The following TMEM181 variants were observed in gnomAD, a reference collection of about 807,000 sequenced individuals.
TMEM181 encodes the protein transmembrane protein 181.
Under a neutral mutation model 71.9 loss-of-function variants are expected in TMEM181, and 39 were observed. The observed-to-expected ratio is 0.54, with a 90% CI of 0.42 to 0.71. The LOEUF is 0.71. TMEM181 is among the 30% of genes least tolerant of loss of function. TMEM181 has a pLI of 0.00. For missense variants in TMEM181, 595 were observed against 583.0 expected (o/e 1.02, Z -0.21); for synonymous variants, 245 against 228.8 (o/e 1.07, Z -0.64).
chr6:158,628,648 C>T (rs7741081), intron 14 of TMEM181, among the ~76,000 whole-genome samples, 158 bp downstream of exon 14: 4,175 of 152,328 alleles, frequency 0.027, 203 homozygotes, highest in African/African-American at 0.095. Flanking sequence ...CAGTTGGCCC[C>T]GCTGCAGCCG....
At chr6:158,569,174 A>T (rs1342866625) in intron 1 of TMEM181, among the ~76,000 whole-genome samples, 2 of 152,214 alleles carry the variant, frequency 1.3e-5, no homozygotes, top group Admixed American at 1.3e-4. Context: ...GAGAGCGGAA[A>T]GAGTCGCAGA....
rs577346468 is a variant in TMEM181 at position 158,543,431 on chromosome 6, C to T, written c.131+6566C>T. 2.6e-5 allele frequency among the ~76,000 whole-genome samples: 4 copies of T among 152,306 alleles called. No homozygotes were observed. In the South Asian group the frequency reaches 8.3e-4, roughly 32 times the overall value. ...TATGGAAGCTGGGGCTCTGGAGCCG[C>T]CTTCTAGGGCTGCGGTAAGAAAACA... On this transcript the variant is annotated intron_variant, in intron 1 of 16. Transcript: ENST00000367090.
intron 10 of TMEM181, among the ~76,000 whole-genome samples, chr6:158,614,015 C>T (rs886648651): frequency 2.0e-5 from 3 of 152,144 alleles, no homozygotes; most frequent in African/African-American, 4.8e-5. Flanking sequence ...TGATTAATAG[C>T]ACATATTTAG....
At chr6:158,567,245 C>T (rs1036160571) in intron 1 of TMEM181, among the ~76,000 whole-genome samples, 2 of 152,168 alleles carry the variant, frequency 1.3e-5, no homozygotes, top group Non-Finnish European at 2.9e-5. Context: ...AGGAAGTCTT[C>T]CTGGCCTGGG....
chr6:158,540,598 T>C (rs1781304659), intron 1 of TMEM181, among the ~76,000 whole-genome samples: 1 of 152,152 alleles, frequency 6.6e-6, no homozygotes, highest in South Asian at 2.1e-4. Flanking sequence ...CTGAGCAACG[T>C]AGTGAAAGCC....
chr6:158,544,182 A>AGAGTGTGTGTGTGTGTGTGTGTGT (rs149735409), intron 1 of TMEM181, among the ~76,000 whole-genome samples: 2 of 127,562 alleles, frequency 1.6e-5, no homozygotes, highest in Admixed American at 7.9e-5. Context: ...AATTGGAGAG[A>AGAGTGTGTGTGTGTGTGTGTGTGT]GTGTGTGTGT....
At chr6:158,583,466 TTTC>T (rs1783589394) in intron 3 of TMEM181, among the ~76,000 whole-genome samples, 1 of 152,038 alleles carries the variant, frequency 6.6e-6, no homozygotes, top group South Asian at 2.1e-4. Flanking sequence ...AAGTTAGTCG[TTTC>T]TTCTTCTGAA....
intron 6 of TMEM181, among the ~76,000 whole-genome samples, chr6:158,600,941 G>A (rs141867795): frequency 5.3e-5 from 8 of 152,146 alleles, no homozygotes; most frequent in African/African-American, 1.7e-4. Flanking sequence ...TAATTCAGAC[G>A]TATTTTGTGT....
intron 5 of TMEM181, among the ~76,000 whole-genome samples, chr6:158,585,833 ATT>A (rs1783737769): frequency 1.3e-5 from 2 of 151,884 alleles, no homozygotes; most frequent in South Asian, 2.1e-4. Flanking sequence ...TTTTTGTTTT[ATT>A]TTGTTTAGAG....
At chr6:158,561,366 A>G (rs562199671) in intron 1 of TMEM181, among the ~76,000 whole-genome samples, 1 of 152,360 alleles carries the variant, frequency 6.6e-6, no homozygotes, top group Non-Finnish European at 1.5e-5. Flanking sequence ...TTTAAAAGCC[A>G]AGTGGAGGTA....
chr6:158,539,824 C>G (rs1781272040), intron 1 of TMEM181, among the ~76,000 whole-genome samples: 1 of 152,212 alleles, frequency 6.6e-6, no homozygotes, highest in South Asian at 2.1e-4. Context: ...AGTTCCACTC[C>G]TTGCTAACTG....
chr6:158,583,504 G>A (rs577377741), intron 3 of TMEM181, among the ~76,000 whole-genome samples: 2 of 151,942 alleles, frequency 1.3e-5, no homozygotes, highest in East Asian at 3.9e-4. Context: ...TTATGTTCTT[G>A]AAAGGAAAAC....
chr6:158,631,417 C>T (rs1049095682), intron 16 of TMEM181, 28 bp downstream of exon 16: 1 of 1,611,284 alleles, frequency 6.2e-7, no homozygotes, highest in Non-Finnish European at 8.5e-7. Context: ...AGAAGGCCGG[C>T]ACACCTTGGG....
At chr6:158,571,877 G>T (rs1008503611) in intron 1 of TMEM181, among the ~76,000 whole-genome samples, 1 of 152,212 alleles carries the variant, frequency 6.6e-6, no homozygotes, top group Non-Finnish European at 1.5e-5. Flanking sequence ...AAGGTGTTGA[G>T]TTTGCTCCCT....
chr6:158,614,847 A>C (rs908231319), intron 10 of TMEM181, among the ~76,000 whole-genome samples: 15 of 152,190 alleles, frequency 9.9e-5, no homozygotes, highest in Non-Finnish European at 1.6e-4. Flanking sequence ...ATAGTATTCC[A>C]TGGTGTATAT....
intron 1 of TMEM181, among the ~76,000 whole-genome samples, chr6:158,538,235 T>A (rs779515573): frequency 1.9e-4 from 29 of 150,320 alleles, no homozygotes; most frequent in Non-Finnish European, 3.4e-4. Context: ...GCTCACTGCA[T>A]CCTCCACTTC....
rs1054318354 is a variant in TMEM181 at position 158,626,043 on chromosome 6, T to G, written c.1109+289T>G. 6.6e-5 allele frequency among the ~76,000 whole-genome samples: 10 copies of G among 152,180 alleles called. No homozygotes were observed. In the East Asian group the frequency reaches 1.9e-3, roughly 29 times the overall value. On this transcript the variant is annotated intron_variant, in intron 13 of 16. Transcript: ENST00000684151. ...CACCTGCTATGTGTGCAGCGTGCAG[T>G]CACCAGCTGGAAGTAAGGGCACTGG... is the stretch of plus-strand genomic sequence containing the variant.
intron 1 of TMEM181, among the ~76,000 whole-genome samples, chr6:158,537,389 G>A (rs977164805): frequency 1.3e-5 from 2 of 152,186 alleles, no homozygotes; most frequent in Admixed American, 6.5e-5. Context: ...GGATGGGCGC[G>A]GCGGGGAAGA....
intron 1 of TMEM181, among the ~76,000 whole-genome samples, chr6:158,563,894 G>T (rs1339528349): frequency 6.6e-6 from 1 of 152,156 alleles, no homozygotes; most frequent in Non-Finnish European, 1.5e-5. Context: ...CAATTCTCCT[G>T]CCTCAGCCTC....
Sources: gnomAD v4.1 joint callset for allele counts (sites outside exome capture counted in the v4.1 genomes callset) on GRCh38, gnomAD v4.1.1 for gene constraint, MANE v1.5 for transcripts, NCBI Gene and HGNC (gene_info 2026-07-23, HGNC 2026-07-21) for gene names.